Variants in PPARGC1A observed in about 807,000 individuals in gnomAD.
The protein encoded by PPARGC1A is peroxisome proliferator-activated receptor gamma coactivator 1-alpha.
Under a neutral mutation model 88.7 loss-of-function variants are expected in PPARGC1A, and 25 were observed. That is an observed-to-expected ratio of 0.28 (90% CI 0.21 to 0.39). The LOEUF is 0.39. Ranked by LOEUF, PPARGC1A falls within the 10% of genes least tolerant of loss-of-function variation. PPARGC1A has a pLI of 1.00. For missense variants in PPARGC1A, 880 were observed against 968.7 expected (o/e 0.91, Z 1.22); for synonymous variants, 363 against 355.6 (o/e 1.02, Z -0.24).
the PPARGC1A span, among the ~76,000 whole-genome samples, chr4:24,378,805 A>T: frequency 6.6e-6 from 1 of 152,236 alleles, no homozygotes; most frequent in Non-Finnish European, 1.5e-5. Context: ...AAAATGGGAA[A>T]GCTGAAGTTC....
At chr4:24,432,128 G>A in the PPARGC1A span, among the ~76,000 whole-genome samples, 2 of 152,172 alleles carry the variant, frequency 1.3e-5, no homozygotes, top group African/African-American at 4.8e-5. Flanking sequence ...ATAGACTCAG[G>A]TGAATAAGAC....
At chr4:23,913,291 GA>G in the PPARGC1A span, among the ~76,000 whole-genome samples, 1 of 144,662 alleles carries the variant, frequency 6.9e-6, no homozygotes, top group African/African-American at 2.6e-5. Flanking sequence ...GAGAGAGAGA[GA>G]GAGAGAGAGA....
chr4:24,311,294 T>G, the PPARGC1A span, among the ~76,000 whole-genome samples: 2 of 147,376 alleles, frequency 1.4e-5, no homozygotes, highest in African/African-American at 4.9e-5. Flanking sequence ...GTAGCGACGG[T>G]GTTTCACCGT....
chr4:24,072,482 T>G, the PPARGC1A span, among the ~76,000 whole-genome samples: 1 of 152,124 alleles, frequency 6.6e-6, no homozygotes, highest in Non-Finnish European at 1.5e-5. Flanking sequence ...TTTCATTTTC[T>G]CACTGAAAAC....
At chr4:24,353,585 A>G in the PPARGC1A span, among the ~76,000 whole-genome samples, 2 of 152,230 alleles carry the variant, frequency 1.3e-5, no homozygotes, top group African/African-American at 4.8e-5. Flanking sequence ...GAGAAAGAAC[A>G]TATTCTTATT....
the PPARGC1A span, among the ~76,000 whole-genome samples, chr4:24,205,375 A>G: frequency 6.6e-6 from 1 of 152,124 alleles, no homozygotes; most frequent in African/African-American, 2.4e-5. Context: ...TTTAGACCAG[A>G]CTGAGAGTGG....
chr4:24,014,540 A>G, the PPARGC1A span, among the ~76,000 whole-genome samples: 1 of 152,260 alleles, frequency 6.6e-6, no homozygotes, highest in Non-Finnish European at 1.5e-5. Flanking sequence ...TCTACAATCA[A>G]GATGTCAGCC....
chr4:23,990,139 T>C, the PPARGC1A span, among the ~76,000 whole-genome samples: 3 of 146,892 alleles, frequency 2.0e-5, no homozygotes, highest in African/African-American at 7.4e-5. Flanking sequence ...TTATTAATTA[T>C]GTATATATAA....
chr4:24,346,810 G>A, the PPARGC1A span, among the ~76,000 whole-genome samples: 1 of 151,968 alleles, frequency 6.6e-6, no homozygotes, highest in Non-Finnish European at 1.5e-5. Flanking sequence ...TTCTTCTGCT[G>A]GGTTTGGGTT....
chr4:24,301,270 T>G, the PPARGC1A span, among the ~76,000 whole-genome samples: 1 of 152,132 alleles, frequency 6.6e-6, no homozygotes, highest in South Asian at 2.1e-4. Flanking sequence ...TTTGGAAGGA[T>G]TTTATCTGGC....
chr4:24,110,740 C>T, the PPARGC1A span, among the ~76,000 whole-genome samples: 2 of 152,152 alleles, frequency 1.3e-5, no homozygotes, highest in Non-Finnish European at 2.9e-5. Flanking sequence ...TCCAATGTGC[C>T]CAGCACTATG....
chr4:23,957,371 G>A, the PPARGC1A span, among the ~76,000 whole-genome samples: 1 of 151,884 alleles, frequency 6.6e-6, no homozygotes, highest in Admixed American at 6.6e-5. Flanking sequence ...ATTTTTTTCT[G>A]GTATTGACAT....
At chr4:24,417,790 AT>A in the PPARGC1A span, among the ~76,000 whole-genome samples, 1 of 152,204 alleles carries the variant, frequency 6.6e-6, no homozygotes, top group Non-Finnish European at 1.5e-5. Flanking sequence ...ACATATATGT[AT>A]AGAAAAAATT....
At chr4:24,470,801 C>T in the PPARGC1A span, among the ~76,000 whole-genome samples, 5 of 151,626 alleles carry the variant, frequency 3.3e-5, no homozygotes, top group Admixed American at 6.6e-5. The surrounding 1 kb of genome is among the most constrained non-coding windows in gnomAD (Gnocchi z 5.8). Flanking sequence ...CTCTCCAAGG[C>T]TCCGGGCGGC....
chr4:23,908,393 A>C (rs1327189252), upstream of PPARGC1A, among the ~76,000 whole-genome samples: 2 of 152,144 alleles, frequency 1.3e-5, no homozygotes, highest in Non-Finnish European at 2.9e-5. Context: ...TAACTACCCA[A>C]AGTTGAAAAT....
At chr4:24,322,241 C>G in the PPARGC1A span, among the ~76,000 whole-genome samples, 71 of 152,332 alleles carry the variant, frequency 4.7e-4, 3 homozygotes, top group East Asian at 3.9e-3. Context: ...GAGCTAGCTT[C>G]ACTGGTGGCT....
At chr4:23,809,348 C>T (rs1332767602) in intron 10 of PPARGC1A, among the ~76,000 whole-genome samples, 3 of 152,134 alleles carry the variant, frequency 2.0e-5, no homozygotes, top group Non-Finnish European at 4.4e-5. Flanking sequence ...ATGATGCCTT[C>T]AAGATAGCTT....
the PPARGC1A span, among the ~76,000 whole-genome samples, chr4:24,293,203 C>A: frequency 2.2e-4 from 2 of 9,138 alleles, no homozygotes; most frequent in East Asian, 3.5e-3. Context: ...CTCCTCCTAC[C>A]CCTTCACCCC....
chr4:24,203,026 C>T, the PPARGC1A span, among the ~76,000 whole-genome samples: 1 of 152,122 alleles, frequency 6.6e-6, no homozygotes, highest in Middle Eastern at 3.2e-3. Context: ...AGGTTTGTGG[C>T]CCCAAAAGGG....
Sources: gnomAD v4.1 joint callset for allele counts (sites outside exome capture counted in the v4.1 genomes callset) on GRCh38, gnomAD v4.1.1 for gene constraint, Gnocchi (gnomAD v3.1) non-coding constraint, MANE v1.5 for transcripts, NCBI Gene and HGNC (gene_info 2026-07-23, HGNC 2026-07-21) for gene names.